SCHIP1: variants seen among roughly 807,000 people sequenced by gnomAD.
SCHIP1 encodes the protein schwannomin interacting protein 1, also known as schwannomin-interacting protein 1.
A neutral mutation model predicts 29.7 loss-of-function variants in SCHIP1; 8 were observed. The ratio of observed to expected loss-of-function variants is 0.27; its 90% CI spans 0.16 to 0.49. SCHIP1 has a LOEUF of 0.49. Ranked by LOEUF, SCHIP1 falls within the 20% of genes least tolerant of loss-of-function variation. SCHIP1 has a pLI of 0.99. For synonymous variants in SCHIP1, 76 were observed against 94.9 expected, an observed-to-expected ratio of 0.80 and a Z score of 1.16; for missense variants, 193 against 294.6, an observed-to-expected ratio of 0.66 and a Z score of 2.52.
chr3:159,274,591 C>T, the SCHIP1 span: 2 of 828,778 alleles, frequency 2.4e-6, no homozygotes, highest in Non-Finnish European at 2.9e-6. Flanking sequence ...TCTTTTAACT[C>T]CATCTTTTAG....
chr3:159,561,227 G>A, the SCHIP1 span, among the ~76,000 whole-genome samples: 4 of 152,212 alleles, frequency 2.6e-5, no homozygotes, highest in African/African-American at 9.6e-5. Flanking sequence ...TACAGTGAGG[G>A]AGAATCTCAG....
the SCHIP1 span, among the ~76,000 whole-genome samples, chr3:159,685,941 A>G: frequency 6.6e-6 from 1 of 152,246 alleles, no homozygotes; most frequent in South Asian, 2.1e-4. Flanking sequence ...AGCACAGAAA[A>G]GTAGGCCAAC....
At chr3:159,428,989 T>C in the SCHIP1 span, among the ~76,000 whole-genome samples, 1 of 138,944 alleles carries the variant, frequency 7.2e-6, no homozygotes, top group Admixed American at 8.3e-5. Context: ...AGGTGGGAAT[T>C]GAACAATGAG....
chr3:159,574,696 T>C, the SCHIP1 span, among the ~76,000 whole-genome samples: 1 of 152,218 alleles, frequency 6.6e-6, no homozygotes. Context: ...CTACCTTTTG[T>C]TCGGCTATGC....
chr3:159,808,010 G>A, the SCHIP1 span, among the ~76,000 whole-genome samples: 6 of 152,116 alleles, frequency 3.9e-5, no homozygotes, highest in Non-Finnish European at 8.8e-5. Context: ...TATACCAAAT[G>A]GCTCAGCCCT....
At chr3:159,696,050 T>C in the SCHIP1 span, among the ~76,000 whole-genome samples, 1 of 152,196 alleles carries the variant, frequency 6.6e-6, no homozygotes, top group East Asian at 1.9e-4. Context: ...CCGCCACTGG[T>C]ACCCATCAAA....
chr3:159,608,841 G>T, the SCHIP1 span, among the ~76,000 whole-genome samples: 1 of 152,136 alleles, frequency 6.6e-6, no homozygotes, highest in Non-Finnish European at 1.5e-5. Flanking sequence ...TAAACAAGCC[G>T]ATTAATTACT....
intron 3 of SCHIP1, 145 bp downstream of exon 4, chr3:159,886,469 A>G: frequency 3.0e-6 from 2 of 662,842 alleles, no homozygotes; most frequent in Non-Finnish European, 5.0e-6. Flanking sequence ...CTAAAATTTG[A>G]CAATGATTAA....
At chr3:159,427,198 AG>A in the SCHIP1 span, among the ~76,000 whole-genome samples, 1 of 151,754 alleles carries the variant, frequency 6.6e-6, no homozygotes, top group African/African-American at 2.4e-5. Context: ...AGTTCTGGCC[AG>A]GGCAATTAGG....
chr3:159,588,937 G>C, the SCHIP1 span, among the ~76,000 whole-genome samples: 5 of 152,190 alleles, frequency 3.3e-5, no homozygotes, highest in Non-Finnish European at 5.9e-5. Flanking sequence ...GATTGTCTTG[G>C]CAATGTGGGC....
the SCHIP1 span, among the ~76,000 whole-genome samples, chr3:159,718,665 C>A: frequency 2.0e-4 from 30 of 152,198 alleles, no homozygotes; most frequent in African/African-American, 6.7e-4. Context: ...CCTAGGAATC[C>A]AACTTACAAG....
the SCHIP1 span, among the ~76,000 whole-genome samples, chr3:159,667,676 T>TC: frequency 6.6e-6 from 1 of 151,940 alleles, no homozygotes; most frequent in Non-Finnish European, 1.5e-5. Flanking sequence ...GCCAGCACGA[T>TC]CCCCACAGGG....
chr3:159,870,725 GT>G (rs1302824590), intron 2 of SCHIP1, among the ~76,000 whole-genome samples: 2 of 151,732 alleles, frequency 1.3e-5, no homozygotes, highest in Non-Finnish European at 2.9e-5. Context: ...GGATTGTTAG[GT>G]TTATATTCAT....
At chr3:159,361,810 A>G in the SCHIP1 span, among the ~76,000 whole-genome samples, 2 of 152,352 alleles carry the variant, frequency 1.3e-5, no homozygotes, top group South Asian at 2.1e-4. Flanking sequence ...TAAAAAATGT[A>G]TATTCAAAAA....
the SCHIP1 span, among the ~76,000 whole-genome samples, chr3:159,804,692 C>A: frequency 1.3e-5 from 2 of 152,234 alleles, no homozygotes; most frequent in African/African-American, 4.8e-5. Flanking sequence ...AGATGAAAAT[C>A]ATGGAAAACC....
chr3:159,697,206 A>C, the SCHIP1 span, among the ~76,000 whole-genome samples: 3 of 152,222 alleles, frequency 2.0e-5, no homozygotes, highest in Non-Finnish European at 2.9e-5. Flanking sequence ...AGAGCTGCCT[A>C]TGAGGTAGAA....
the SCHIP1 span, among the ~76,000 whole-genome samples, chr3:159,464,633 G>A: frequency 1.3e-5 from 2 of 152,082 alleles, no homozygotes; most frequent in African/African-American, 4.8e-5. Context: ...ATCCACTTTA[G>A]TTACTGTATT....
chr3:159,503,825 C>T, the SCHIP1 span, among the ~76,000 whole-genome samples: 1 of 152,072 alleles, frequency 6.6e-6, no homozygotes, highest in Non-Finnish European at 1.5e-5. Context: ...GGTAATTAAC[C>T]TAACATTTAC....
the SCHIP1 span, among the ~76,000 whole-genome samples, chr3:159,552,173 G>T: frequency 2.9e-4 from 44 of 150,958 alleles, no homozygotes; most frequent in Admixed American, 1.3e-4. Context: ...AGCCTCCCAA[G>T]TAGCTGGGAT....
Sources: gnomAD v4.1 joint callset for allele counts (sites outside exome capture counted in the v4.1 genomes callset) on GRCh38, gnomAD v4.1.1 for gene constraint, MANE v1.5 for transcripts, NCBI Gene and HGNC (gene_info 2026-07-23, HGNC 2026-07-21) for gene names.